Variants in TCF20 observed in about 807,000 individuals in gnomAD.
TCF20 encodes the protein transcription factor 20.
In TCF20, 3 loss-of-function variants were observed where a neutral mutation model predicts 148.6. The observed-to-expected ratio is 0.02, with a 90% CI of 0.01 to 0.05. TCF20 has a LOEUF of 0.05. TCF20 is among the 10% of genes least tolerant of loss of function. The pLI is 1.00. For missense variants in TCF20, 2,350 were observed against 2,429.3 expected (o/e 0.97, Z 0.69); for synonymous variants, 1,049 against 909.5 (o/e 1.15, Z -2.76).
chr22:42,266,672 G>A lies in TCF20; in HGVS notation c.-37+3667C>T, dbSNP rs538932259. ...CAGGAGCCCGTAATCCCAGCTATTCGGGAGGCTGAGGCAGGGGAATCGCTT... is the reference window on the plus strand; with the variant it reads ...CAGGAGCCCGTAATCCCAGCTATTCAGGAGGCTGAGGCAGGGGAATCGCTT... On this transcript the variant is annotated intron_variant, in intron 1 of 5. Transcript: ENST00000677622. 1.5e-4 allele frequency among the ~76,000 whole-genome samples: 23 copies of A among 152,294 alleles called. No individual in the cohort carries two copies. In the South Asian group the frequency reaches 3.3e-3, roughly 22 times the overall value.
Position 42,324,422 on chromosome 22 carries a change from T to C in TCF20, c.-37+19057A>G, listed in dbSNP as rs1927831961. Among the ~76,000 whole-genome samples, 4 of 152,108 alleles carry C rather than the reference T, an allele frequency of 2.6e-5. No homozygotes were observed. The South Asian group carries it at 8.3e-4, about 32-fold the overall frequency. On this transcript the variant is annotated intron_variant, in intron 1 of 1. Coordinates refer to the TCF20 transcript ENST00000515426. ...TGATAGAAGAAAATAACCTCCACCA[T>C]TCCAGAAAATAATCTCCACCATCTG...
At position 42,290,340 on chromosome 22, in the gene TCF20, C is replaced by T. The variant is rs1368063496; in HGVS notation, c.-37+53139G>A. Reference sequence around the variant, plus strand: ...ATGTCCTCTCAACACAGCAGAGCTCCGAGGAACTGGCAGCCAGGGGCTAGC... The same window carrying T: ...ATGTCCTCTCAACACAGCAGAGCTCTGAGGAACTGGCAGCCAGGGGCTAGC... On this transcript the variant is annotated intron_variant, in intron 1 of 1. Transcript: ENST00000515426. The surrounding 1 kb of genome is among the most constrained non-coding windows in gnomAD (Gnocchi z 4.2). 1.3e-5 allele frequency among the ~76,000 whole-genome samples: 2 copies of T among 152,188 alleles called. No individual in the cohort carries two copies. Among genetic ancestry groups the T allele is most frequent in the African/African-American group, 4.8e-5 (2 of 41,444 alleles).
At chr22:42,264,514 C>G (rs991268415) in intron 1 of TCF20, among the ~76,000 whole-genome samples, 1 of 152,184 alleles carries the variant, frequency 6.6e-6, no homozygotes, top group African/African-American at 2.4e-5. Context: ...AGAGGGAACA[C>G]TTCAACCAGC....
At chr22:42,270,783 C>T (rs1196433467), upstream of TCF20, among the ~76,000 whole-genome samples, 1 of 145,080 alleles carries the variant, frequency 6.9e-6, no homozygotes, top group Non-Finnish European at 1.5e-5. Context: ...CGGGCGCGCG[C>T]GTGCCCACCC....
intron 1 of TCF20, among the ~76,000 whole-genome samples, chr22:42,267,703 AAAAC>A (rs1303248523): frequency 4.0e-5 from 6 of 150,732 alleles, no homozygotes; most frequent in African/African-American, 9.8e-5. Context: ...CTGTCTCAAA[AAAAC>A]AAACAAAAAA....
rs185875066 is a variant in TCF20, at chr22:42,241,083, T to C, written c.-36-25742A>G. On this transcript the variant is annotated intron_variant, in intron 1 of 5. Coordinates refer to ENST00000677622, the MANE Select transcript of TCF20 (RefSeq NM_001378418.1). ...GTTGGCCAGGCTGGTCTCGAACTCC[T>C]GACCTCAGCTGATCTGCCTGCCTCA... Among the ~76,000 whole-genome samples the C allele has an allele frequency of 3.5e-4, 54 of 152,314 alleles. No individual in the cohort carries two copies. In the East Asian group the frequency reaches 8.9e-3, roughly 25 times the overall value.
intron 1 of TCF20, among the ~76,000 whole-genome samples, chr22:42,252,554 G>T (rs890524875): frequency 3.3e-5 from 5 of 152,028 alleles, no homozygotes; most frequent in African/African-American, 1.2e-4. Context: ...AGGTTTAAGC[G>T]ATTCTCCCGC....
At chr22:42,271,131 C>T (rs1926602321), upstream of TCF20, among the ~76,000 whole-genome samples, 1 of 152,226 alleles carries the variant, frequency 6.6e-6, no homozygotes, top group Non-Finnish European at 1.5e-5. Context: ...CGGCTCCTGC[C>T]CGCCAAGAGC....
chr22:42,199,846 A>G (rs1175218898), intron 2 of TCF20, among the ~76,000 whole-genome samples: 1 of 147,238 alleles, frequency 6.8e-6, no homozygotes, highest in Admixed American at 6.8e-5. Context: ...ACTCTGTCCA[A>G]AAAAAAAAAA....
chr22:42,213,115 G>T lies in TCF20; in HGVS notation c.2191C>A (p.Gln731Lys). 2 of 1,614,020 alleles carry T rather than the reference G, an allele frequency of 1.2e-6. No individual in the cohort carries two copies. Among genetic ancestry groups the T allele is most frequent in the Non-Finnish European group, 1.7e-6 (2 of 1,180,012 alleles). ...TGGCCAGTGAAATCTCCCTTTTCTT[G>T]CCCTGTAGGATACTGAGGAAAGCCA... Reference protein sequence around the residue: ...VSGFPQYPTGQEKGDFTGHGE... With the variant: ...VSGFPQYPTGKEKGDFTGHGE... The change falls in exon 2 of 6, where the codon CAA becomes AAA. Residue 731 changes from glutamine to lysine, a missense_variant. By Grantham distance (53) the Gln-to-Lys change is moderately conservative (BLOSUM62 1). Around this residue, in one of 7 missense-constraint regions of TCF20, gnomAD observed 1,641 missense variants for 1,662.6 expected, o/e 0.99. Coordinates refer to ENST00000677622, the MANE Select transcript of TCF20 (RefSeq NM_001378418.1).
At chr22:42,300,693 G>C (rs961887461) in intron 1 of TCF20, among the ~76,000 whole-genome samples, 9 of 152,048 alleles carry the variant, frequency 5.9e-5, no homozygotes, top group African/African-American at 2.2e-4. Context: ...GGCAGGGGAG[G>C]GTCTCAGAAA....
intron 1 of TCF20, among the ~76,000 whole-genome samples, chr22:42,283,695 G>A (rs1926963546): frequency 6.6e-6 from 1 of 151,716 alleles, no homozygotes. Context: ...GCCCTGGCCC[G>A]GCGCGGCCCC....
chr22:42,323,511 G>A (rs1194134785), intron 1 of TCF20, among the ~76,000 whole-genome samples: 3 of 151,778 alleles, frequency 2.0e-5, no homozygotes, highest in African/African-American at 7.3e-5. Flanking sequence ...GTCATCCAGG[G>A]GTGGTCTCTA....
intron 1 of TCF20, among the ~76,000 whole-genome samples, chr22:42,216,752 G>C (rs1479889015): frequency 6.6e-6 from 1 of 152,166 alleles, no homozygotes; most frequent in Non-Finnish European, 1.5e-5. Flanking sequence ...GAGGAAAATA[G>C]GAATTCATCA....
chr22:42,195,500 C>CT lies in TCF20; in HGVS notation c.5655+14150dup, dbSNP rs897311922. Among the ~76,000 whole-genome samples, 849 of 141,680 alleles carry CT rather than the reference C, an allele frequency of 6.0e-3. 8 individuals are homozygous for CT. The highest frequency in any genetic ancestry group is 8.6e-3 in the African/African-American group (336 of 38,960). 92.9% of individuals were successfully genotyped at this position (141,680 alleles called of 152,430 possible). A position where few individuals can be genotyped will look rare whatever the true frequency, so the allele number is the denominator to read the frequency against. On this transcript the variant is annotated intron_variant, in intron 2 of 5. Coordinates refer to ENST00000677622, the MANE Select transcript of TCF20 (RefSeq NM_001378418.1). ...CACAAATTATTTCCAATATTACATA[C>CT]TTTTTTTTTTTTTTTTTGAGATGGA...
At chr22:42,288,950 C>G (rs551235318), upstream of TCF20, among the ~76,000 whole-genome samples, 25 of 152,314 alleles carry the variant, frequency 1.6e-4, no homozygotes, top group African/African-American at 5.8e-4. Context: ...CTGGGCAGGC[C>G]TCATTCCTTC....
At chr22:42,187,389 T>C (rs1395987988) in intron 2 of TCF20, among the ~76,000 whole-genome samples, 3 of 152,242 alleles carry the variant, frequency 2.0e-5, no homozygotes, top group Non-Finnish European at 4.4e-5. Context: ...AACATGGCTC[T>C]GCTACAGATC....
chr22:42,243,292 CAAAAAAAAA>C (rs3045578), intron 1 of TCF20, among the ~76,000 whole-genome samples: 5,413 of 39,318 alleles, frequency 0.14, 198 homozygotes, highest in South Asian at 0.33. Flanking sequence ...GACACTGTCT[CAAAAAAAAA>C]AAAAAAAAAA....
rs778367559 is a variant in TCF20 at position 42,211,283 on chromosome 22, T to C, written c.4023A>G (p.Ile1341Met). ...VTLTSPAKTK[I>M]LPPRKGRGLK... ...ATCCCCGTCCTTTCCGTGGGGGCAG[T>C]ATTTTGGTCTTAGCAGGGCTTGTGA... is the stretch of plus-strand genomic sequence containing the variant. Residue 1341 changes from isoleucine to methionine, a missense_variant, in exon 2 of 6, where the codon ATA becomes ATG. Ile to Met is a conservative substitution (Grantham distance 10, BLOSUM62 1). Around this residue, in one of 7 missense-constraint regions of TCF20, gnomAD observed 1,641 missense variants for 1,662.6 expected, o/e 0.99. Transcript: ENST00000677622. 6.8e-6 allele frequency: 11 copies of C among 1,614,194 alleles called. No homozygotes were observed. Among genetic ancestry groups the C allele is most frequent in the Non-Finnish European group, 8.5e-6 (10 of 1,180,038 alleles).
Sources: allele counts gnomAD v4.1 joint callset (sites outside exome capture counted in the v4.1 genomes callset), GRCh38; gene constraint gnomAD v4.1.1; regional missense constraint gnomAD v4.1.1; non-coding constraint Gnocchi (gnomAD v3.1); transcripts MANE v1.5; gene names NCBI Gene and HGNC (gene_info 2026-07-23, HGNC 2026-07-21).